ZNF469: variants seen among roughly 807,000 people sequenced by gnomAD.
ZNF469 encodes zinc finger protein 469.
A neutral mutation model predicts 1.0 loss-of-function variants in ZNF469; 1 was observed. The ratio of observed to expected loss-of-function variants is 1.00; its 90% CI spans 0.35 to 4.73. The LOEUF (loss-of-function observed/expected upper bound fraction) is 4.73. Among genes scored for constraint, ZNF469 ranks in the 30% most tolerant of loss-of-function variants. The pLI is 0.16. For missense variants in ZNF469, 6,100 were observed against 5,356.3 expected (o/e 1.14, Z -4.33); for synonymous variants, 2,703 against 2,363.4 (o/e 1.14, Z -4.17).
At chr16:88,173,496 T>C in the ZNF469 span, among the ~76,000 whole-genome samples, 286 of 152,246 alleles carry the variant, frequency 1.9e-3, 6 homozygotes, top group Non-Finnish European at 4.9e-4. Flanking sequence ...TCAACATTTC[T>C]TTATTTTTCT....
At chr16:88,229,285 C>A in the ZNF469 span, among the ~76,000 whole-genome samples, 2 of 152,256 alleles carry the variant, frequency 1.3e-5, no homozygotes, top group Non-Finnish European at 2.9e-5. Flanking sequence ...TGGCTCCAGC[C>A]TCCTCCGCGA....
At chr16:88,228,373 G>T in the ZNF469 span, among the ~76,000 whole-genome samples, 1 of 152,246 alleles carries the variant, frequency 6.6e-6, no homozygotes, top group African/African-American at 2.4e-5. Flanking sequence ...GCCCTGGGGT[G>T]TGTGTCCTGG....
the ZNF469 span, among the ~76,000 whole-genome samples, chr16:88,136,282 C>T: frequency 6.6e-6 from 1 of 152,222 alleles, no homozygotes; most frequent in African/African-American, 2.4e-5. Context: ...CTCCTCATCC[C>T]ATCTGGCCCG....
chr16:88,337,042 C>T, the ZNF469 span, among the ~76,000 whole-genome samples: 1 of 152,204 alleles, frequency 6.6e-6, no homozygotes, highest in African/African-American at 2.4e-5. Flanking sequence ...CTCTTCGTGG[C>T]TGAAAAGTAT....
Position 88,438,772 on chromosome 16 carries a change from C to T in ZNF469, c.11302C>T (p.Pro3768Ser). The T allele has an allele frequency of 6.5e-7, 1 of 1,550,148 alleles. No individual in the cohort carries two copies. The highest frequency in any genetic ancestry group is 8.7e-7 in the Non-Finnish European group (1 of 1,146,898). The change falls in exon 3 of 3, where the codon CCC becomes TCC. Residue 3768 changes from proline (P) to serine (S), a missense_variant. Coordinates refer to ENST00000565624, the MANE Select transcript of ZNF469 (RefSeq NM_001367624.2). ...QSETATTPAK[P>S]SFPSRSPAPE... ...CGAGACAGCCACCACCCCAGCCAAG[C>T]CCAGCTTCCCCAGCCGGAGCCCTGC...
At chr16:88,398,585 T>G (rs1462213259) in intron 1 of ZNF469, among the ~76,000 whole-genome samples, 1 of 140,126 alleles carries the variant, frequency 7.1e-6, no homozygotes, top group Non-Finnish European at 1.5e-5. Flanking sequence ...CAAAGGGACA[T>G]GTGCCACAGA....
At chr16:88,406,408 G>T (rs1197346463) in intron 1 of ZNF469, among the ~76,000 whole-genome samples, 1 of 152,242 alleles carries the variant, frequency 6.6e-6, no homozygotes, top group African/African-American at 2.4e-5. Flanking sequence ...ACGCTGGGAA[G>T]CCCCCGCTGC....
chr16:88,288,702 T>C, the ZNF469 span, among the ~76,000 whole-genome samples: 5 of 152,178 alleles, frequency 3.3e-5, no homozygotes, highest in Admixed American at 6.5e-5. Context: ...GATGGAAAGA[T>C]TGAGACCTGC....
At chr16:88,357,487 C>T in the ZNF469 span, among the ~76,000 whole-genome samples, 1 of 152,324 alleles carries the variant, frequency 6.6e-6, no homozygotes, top group East Asian at 1.9e-4. Context: ...CACTCCCCCT[C>T]CCTGGGCCTC....
In ZNF469 at chr16:88,430,656, C is replaced by T. The variant is rs1427397438; in HGVS notation, c.3186C>T (p.His1062=). The change falls in exon 3 of 3, where the codon CAC becomes CAT. Residue 1062 remains histidine (H), a synonymous_variant. Coordinates refer to ENST00000565624, the MANE Select transcript of ZNF469 (RefSeq NM_001367624.2). ...LKIVQQKNRR[H]RRLGRRAGRC... is the part of the protein sequence containing the mutation. ...TCGTGCAGCAGAAGAACAGGCGCCA[C>T]CGGCGGCTGGGGCGGCGGGCGGGCA... 1.5e-5 allele frequency: 23 copies of T among 1,493,374 alleles called. No homozygotes were observed. Among genetic ancestry groups the T allele is most frequent in the South Asian group, 2.5e-5 (2 of 79,356 alleles). The allele number at this position is 1,493,374 out of a possible 1,614,324, so 92.5% of individuals were successfully genotyped here.
At chr16:88,423,598 G>C (rs1905576493) in intron 1 of ZNF469, among the ~76,000 whole-genome samples, 1 of 152,166 alleles carries the variant, frequency 6.6e-6, no homozygotes, top group East Asian at 1.9e-4. Context: ...AGCCTAGCGG[G>C]TGGTTCTGGC....
At chr16:88,188,038 C>G in the ZNF469 span, among the ~76,000 whole-genome samples, 1 of 152,118 alleles carries the variant, frequency 6.6e-6, no homozygotes, top group African/African-American at 2.4e-5. Flanking sequence ...CTCCCATAAC[C>G]CCATCTCCAC....
the ZNF469 span, chr16:88,101,017 CA>C: frequency 1.2e-5 from 3 of 259,846 alleles, no homozygotes; most frequent in African/African-American, 7.0e-5. Context: ...TGTCCCTCTG[CA>C]GCCACACACC....
the ZNF469 span, among the ~76,000 whole-genome samples, chr16:88,251,538 C>CTTTTTTTTTTTTTTTTTT: frequency 1.4e-4 from 7 of 51,288 alleles, 1 homozygote; most frequent in Admixed American, 6.0e-4. Flanking sequence ...TCCCTGCTGT[C>CTTTTTTTTTTTTTTTTTT]TTTTTTTTTT....
At chr16:88,171,386 A>C in the ZNF469 span, among the ~76,000 whole-genome samples, 2 of 152,310 alleles carry the variant, frequency 1.3e-5, no homozygotes, top group Admixed American at 1.3e-4. Flanking sequence ...CAGAGATTGC[A>C]CCCAGAAGCT....
At chr16:88,115,203 G>A in the ZNF469 span, among the ~76,000 whole-genome samples, 16 of 152,310 alleles carry the variant, frequency 1.1e-4, no homozygotes, top group South Asian at 8.3e-4. Context: ...AAGGGGAAAC[G>A]TGGCAGGAAG....
the ZNF469 span, among the ~76,000 whole-genome samples, chr16:88,152,291 G>A: frequency 0.02 from 3,099 of 152,334 alleles, 102 homozygotes; most frequent in African/African-American, 0.07. The surrounding 1 kb of genome is among the most constrained non-coding windows in gnomAD (Gnocchi z 4.2). Context: ...GGGCTTTGGC[G>A]TTGGAAAAGT....
At chr16:88,361,477 G>C in the ZNF469 span, among the ~76,000 whole-genome samples, 644 of 152,336 alleles carry the variant, frequency 4.2e-3, 42 homozygotes, top group East Asian at 0.11. Context: ...CCAGAAGACT[G>C]ATGATGTTGA....
chr16:88,147,211 C>G, the ZNF469 span, among the ~76,000 whole-genome samples: 1 of 152,014 alleles, frequency 6.6e-6, no homozygotes, highest in African/African-American at 2.4e-5. Flanking sequence ...GAGGAGGGGC[C>G]ACGAGCCAAG....
Sources: gnomAD v4.1 joint callset for allele counts (sites outside exome capture counted in the v4.1 genomes callset) on GRCh38, gnomAD v4.1.1 for gene constraint, Gnocchi (gnomAD v3.1) non-coding constraint, MANE v1.5 for transcripts, NCBI Gene and HGNC (gene_info 2026-07-23, HGNC 2026-07-21) for gene names.